CLDN16: variants seen among roughly 807,000 people sequenced by gnomAD.
CLDN16 encodes claudin 16.
In CLDN16, 13 loss-of-function variants were observed where a neutral mutation model predicts 24.6. The ratio of observed to expected loss-of-function variants is 0.53; its 90% confidence interval spans 0.34 to 0.84. The LOEUF is 0.84. Ranked by LOEUF, CLDN16 falls within the 40% of genes least tolerant of loss-of-function variation. CLDN16 has a pLI of 0.01. For synonymous variants in CLDN16, 116 were observed against 106.7 expected, an observed-to-expected ratio of 1.09 and a Z score of -0.54; for missense variants, 298 against 292.7, an observed-to-expected ratio of 1.02 and a Z score of -0.13.
At chr3:190,372,714 C>T (rs1013299027) in intron 2 of CLDN16, among the ~76,000 whole-genome samples, 1 of 151,820 alleles carries the variant, frequency 6.6e-6, no homozygotes, top group African/African-American at 2.4e-5. Context: ...GTAATGTGGC[C>T]CTTTGTCCCT....
chr3:190,355,609 A>G (rs1222606017), intron 1 of CLDN16, among the ~76,000 whole-genome samples: 1 of 151,828 alleles, frequency 6.6e-6, no homozygotes, highest in East Asian at 1.9e-4. Flanking sequence ...TGGACTTTAC[A>G]TGTCATTCTC....
the CLDN16 span, among the ~76,000 whole-genome samples, chr3:190,316,780 C>G: frequency 6.6e-5 from 10 of 152,126 alleles, no homozygotes; most frequent in Non-Finnish European, 1.3e-4. Context: ...CTTTAAAAAT[C>G]TGTACCAATA....
At chr3:190,406,530 T>A (rs1719100760) in intron 3 of CLDN16, among the ~76,000 whole-genome samples, 1 of 152,128 alleles carries the variant, frequency 6.6e-6, no homozygotes, top group Non-Finnish European at 1.5e-5. Context: ...TAGGAATGAC[T>A]GAAGAAATAA....
the CLDN16 span, among the ~76,000 whole-genome samples, chr3:190,291,998 G>GT: frequency 6.6e-6 from 1 of 152,304 alleles, no homozygotes; most frequent in Non-Finnish European, 1.5e-5. Context: ...GCTTTTCCAG[G>GT]TGCACATTGC....
intron 2 of CLDN16, among the ~76,000 whole-genome samples, chr3:190,403,021 A>C (rs1719001827): frequency 6.6e-6 from 1 of 152,132 alleles, no homozygotes; most frequent in Admixed American, 6.5e-5. Context: ...TATCTTCCTT[A>C]CTTTTAGCTT....
At chr3:190,367,783 G>A (rs530183598) in intron 1 of CLDN16, among the ~76,000 whole-genome samples, 3 of 151,954 alleles carry the variant, frequency 2.0e-5, no homozygotes, top group Admixed American at 6.6e-5. Flanking sequence ...AAAATTTTTA[G>A]TATCAGCAAG....
At chr3:190,303,775 T>C in the CLDN16 span, among the ~76,000 whole-genome samples, 106 of 152,284 alleles carry the variant, frequency 7.0e-4, no homozygotes, top group African/African-American at 2.5e-3. Flanking sequence ...TTGACTATTC[T>C]TTGGAGGTAA....
At chr3:190,334,774 AG>A (rs1350768661) in intron 1 of CLDN16, among the ~76,000 whole-genome samples, 1 of 152,184 alleles carries the variant, frequency 6.6e-6, no homozygotes, top group East Asian at 1.9e-4. Flanking sequence ...CAATGAGGAA[AG>A]CCCTTGGCTA....
At chr3:190,343,434 G>A (rs1050970558) in intron 1 of CLDN16, among the ~76,000 whole-genome samples, 1 of 152,044 alleles carries the variant, frequency 6.6e-6, no homozygotes, top group Non-Finnish European at 1.5e-5. Flanking sequence ...ATATGATCCA[G>A]CAATATCTCT....
At position 190,363,024 on chromosome 3, in the gene CLDN16, A is replaced by G. The variant is rs1717934716; in HGVS notation, n.122-7869A>G. On this transcript the variant is annotated intron_variant and non_coding_transcript_variant, in intron 1 of 4. Transcript: ENST00000468220. ...AAAATCAAATTCAAAAATTTTTTCAAGCGACTATTTTTAAAATGTATTTTT... is the reference window on the plus strand; with the variant it reads ...AAAATCAAATTCAAAAATTTTTTCAGGCGACTATTTTTAAAATGTATTTTT... 2.0e-5 allele frequency among the ~76,000 whole-genome samples: 3 copies of G among 151,992 alleles called. No homozygotes were observed. The South Asian group carries it at 6.2e-4, about 32-fold the overall frequency.
At chr3:190,342,893 G>T (rs545495101) in intron 1 of CLDN16, among the ~76,000 whole-genome samples, 1 of 152,224 alleles carries the variant, frequency 6.6e-6, no homozygotes, top group African/African-American at 2.4e-5. Context: ...CCTTGACATT[G>T]GCCTTGGCAA....
chr3:190,366,488 C>T (rs1718027578), intron 1 of CLDN16, among the ~76,000 whole-genome samples: 2 of 151,968 alleles, frequency 1.3e-5, no homozygotes, highest in African/African-American at 4.8e-5. Context: ...TCTTAAGTCA[C>T]ATTCCCTGGG....
intron 1 of CLDN16, among the ~76,000 whole-genome samples, chr3:190,341,761 GCT>G (rs1355210973): frequency 6.6e-6 from 1 of 152,112 alleles, no homozygotes; most frequent in African/African-American, 2.4e-5. Flanking sequence ...GAACTTTGAT[GCT>G]CTGTTTCCCT....
intron 1 of CLDN16, among the ~76,000 whole-genome samples, chr3:190,399,427 G>A (rs906540319): frequency 6.6e-5 from 10 of 152,068 alleles, no homozygotes; most frequent in East Asian, 1.9e-4. Flanking sequence ...CAGGAGAATC[G>A]CTTGAACCCA....
intron 4 of CLDN16, among the ~76,000 whole-genome samples, chr3:190,409,461 G>C (rs1019266826): frequency 6.3e-4 from 95 of 151,652 alleles, no homozygotes; most frequent in African/African-American, 2.2e-3. Flanking sequence ...ATTGGACATG[G>C]TTGTAGTTGT....
At chr3:190,409,816 C>T in intron 4 of CLDN16, 87 bp from the exon 5 acceptor site, 1 of 1,251,574 alleles carries the variant, frequency 8.0e-7, no homozygotes, top group Non-Finnish European at 1.2e-6. Context: ...TATTCTTGTT[C>T]CTTTTGAGGA....
intron 3 of CLDN16, among the ~76,000 whole-genome samples, chr3:190,407,006 C>A (rs1376668471): frequency 6.6e-6 from 1 of 152,072 alleles, no homozygotes; most frequent in African/African-American, 2.4e-5. Context: ...CCCCAAAGCG[C>A]TGGGATTACA....
chr3:190,375,478 C>T (rs1718226704), intron 3 of CLDN16, among the ~76,000 whole-genome samples: 1 of 151,890 alleles, frequency 6.6e-6, no homozygotes. Flanking sequence ...ATGGGTCATG[C>T]AGGAAGAAAC....
chr3:190,393,304 A>G (rs909654499), intron 1 of CLDN16, among the ~76,000 whole-genome samples: 1 of 152,182 alleles, frequency 6.6e-6, no homozygotes, highest in East Asian at 1.9e-4. Context: ...TTATTATACA[A>G]TACTTAGAGG....
Sources: allele counts gnomAD v4.1 joint callset (sites outside exome capture counted in the v4.1 genomes callset), GRCh38; gene constraint gnomAD v4.1.1; transcripts MANE v1.5; gene names NCBI Gene and HGNC (gene_info 2026-07-23, HGNC 2026-07-21).